NOTCH3: variants seen among roughly 807,000 people sequenced by gnomAD.
NOTCH3 encodes the protein neurogenic locus notch homolog protein 3.
NOTCH3 carries 86 observed loss-of-function variants against 213.3 expected under a neutral mutation model. That is an observed-to-expected ratio of 0.40 (90% CI 0.34 to 0.48). NOTCH3 has a LOEUF of 0.48. Among genes scored for constraint, NOTCH3 ranks in the 20% least tolerant of loss-of-function variants. The pLI, the probability that NOTCH3 is intolerant of heterozygous loss-of-function variation, is 0.57. For synonymous variants in NOTCH3, 1,354 were observed against 1,355.9 expected, an observed-to-expected ratio of 1.00 and a Z score of 0.03; for missense variants, 2,783 against 3,272.6, an observed-to-expected ratio of 0.85 and a Z score of 3.65.
At position 15,185,431 on chromosome 19, in the gene NOTCH3, C is replaced by T; in HGVS notation, c.2145-23G>A. 1 of 1,611,672 alleles carries T rather than the reference C, an allele frequency of 6.2e-7. No homozygotes were observed. ...AACCTGGCAGGGGAAGGTAGTCAGG[C>T]CAGGGAGGTGGGCCAGGGAGAGGGG... On this transcript the variant is annotated intron_variant, in intron 13 of 32. Coordinates refer to ENST00000263388, the MANE Select transcript of NOTCH3 (RefSeq NM_000435.3). The surrounding 1 kb of genome is among the most constrained non-coding windows in gnomAD (Gnocchi z 4.2).
Position 15,185,438 on chromosome 19 carries a change from G to A in NOTCH3, c.2145-30C>T, listed in dbSNP as rs777847009. The A allele has an allele frequency of 1.2e-6, 2 of 1,611,918 alleles. No homozygotes were observed. The highest frequency in any genetic ancestry group is 1.7e-6 in the Non-Finnish European group (2 of 1,178,950). ...CAGGGGAAGGTAGTCAGGCCAGGGA[G>A]GTGGGCCAGGGAGAGGGGGCAGTGT... On this transcript the variant is annotated intron_variant, in intron 13 of 32. Coordinates refer to ENST00000263388, the MANE Select transcript of NOTCH3 (RefSeq NM_000435.3). This position sits in a 1 kb window ranked among gnomAD's most constrained non-coding sequence, Gnocchi z 4.2.
At chr19:15,188,040 C>A (rs752838960) in intron 9 of NOTCH3, 46 bp from the exon 10 acceptor site, 12 of 1,386,484 alleles carry the variant, frequency 8.7e-6, no homozygotes, top group African/African-American at 1.4e-5. Context: ...AGGGTGAGAG[C>A]AGTACACCCC....
At chr19:15,182,192 A>G (rs1402823768) in intron 16 of NOTCH3, among the ~76,000 whole-genome samples, 1 of 152,138 alleles carries the variant, frequency 6.6e-6, no homozygotes. Flanking sequence ...ACTGGGTTTC[A>G]GATTTTGAAG....
rs750883781 is a variant in NOTCH3, at chr19:15,161,278, G to T, written c.6350C>A (p.Ser2117Tyr). 2 of 1,539,976 alleles carry T rather than the reference G, an allele frequency of 1.3e-6. No homozygotes were observed. The highest frequency in any genetic ancestry group is 2.3e-5 in the East Asian group (1 of 43,028). ...CCCCTCAAGGGGGAAGCCACCAGGGGAAGCAGGGGGCCCACCGAAAGGCCG... is the reference window on the plus strand; with the variant it reads ...CCCCTCAAGGGGGAAGCCACCAGGGTAAGCAGGGGGCCCACCGAAAGGCCG... ...SPRPFGGPPA[S>Y]PGGFPLEGPY... Residue 2117 changes from serine (S) to tyrosine (Y), a missense_variant, in exon 33 of 33, where the codon TCC (serine) becomes TAC (tyrosine). Physicochemically the swap from Ser to Tyr is moderately radical, Grantham distance 144. Transcript: ENST00000263388.
At chr19:15,173,969 TG>T in intron 25 of NOTCH3, 98 bp downstream of exon 25, 1 of 1,037,806 alleles carries the variant, frequency 9.6e-7, no homozygotes, top group Non-Finnish European at 1.4e-6. Context: ...TGACATCTGG[TG>T]GGTAAAGGCA....
chr19:15,188,473 A>G, intron 8 of NOTCH3, 125 bp from the exon 9 acceptor site: 1 of 713,692 alleles, frequency 1.4e-6, no homozygotes. Context: ...CCACCTCTAC[A>G]CTCCCAGCCC....
chr19:15,186,411 G>T (rs1358306787), intron 12 of NOTCH3, among the ~76,000 whole-genome samples: 1 of 112,386 alleles, frequency 8.9e-6, no homozygotes, highest in African/African-American at 3.4e-5. Flanking sequence ...GTGTGTGTGT[G>T]TGTGTGTGTT....
At chr19:15,171,628 G>A (rs554657318) in intron 25 of NOTCH3, among the ~76,000 whole-genome samples, 1 of 152,206 alleles carries the variant, frequency 6.6e-6, no homozygotes, top group South Asian at 2.1e-4. Flanking sequence ...CTCCCAATGT[G>A]CTGGGTTTAC....
chr19:15,182,855 T>C (rs2046851612), intron 16 of NOTCH3, among the ~76,000 whole-genome samples: 1 of 152,134 alleles, frequency 6.6e-6, no homozygotes, highest in Non-Finnish European at 1.5e-5. Context: ...TTGGTCAGGC[T>C]GGTCTCAAAC....
At position 15,181,618 on chromosome 19, in the gene NOTCH3, C is replaced by T; in HGVS notation, c.2750G>A (p.Gly917Glu). 1 of 1,550,890 alleles carries T rather than the reference C, an allele frequency of 6.4e-7. No homozygotes were observed. Among genetic ancestry groups the T allele is most frequent in the Non-Finnish European group, 8.7e-7 (1 of 1,146,914 alleles). The change falls in exon 17 of 33, where the codon GGA becomes GAA. Residue 917 changes from glycine (G) to glutamate (E), a missense_variant. This residue lies in a region of NOTCH3 where 861 missense variants were observed against 909.1 expected (regional missense o/e 0.95). Transcript: ENST00000263388. ...CAGGTCCTGTTCGCAGTGGAAGCCT[C>T]CGTAGCCTGGCGGGCAGGTGCAGGT... is the stretch of plus-strand genomic sequence containing the variant. ...SFTCTCPPGY[G>E]GFHCEQDLPD...
rs1196781524 is a variant in NOTCH3 at position 15,161,708 on chromosome 19, T to G, written c.5920A>C (p.Thr1974Pro). ...TCGCGGGCGGCCAGGAATAGGGGGGTCTCCTCCTGGGGGGCCAGAACCCAC... is the reference window on the plus strand; with the variant it reads ...TCGCGGGCGGCCAGGAATAGGGGGGGCTCCTCCTGGGGGGCCAGAACCCAC... ...NKDMQDSKEE[T>P]PLFLAAREGS... is the part of the protein sequence containing the mutation. Residue 1974 changes from threonine to proline, a missense_variant, in exon 33 of 33, where the codon ACC becomes CCC. Thr to Pro is a conservative substitution (Grantham distance 38, BLOSUM62 -1). Coordinates refer to ENST00000263388, the MANE Select transcript of NOTCH3 (RefSeq NM_000435.3). 6.2e-7 allele frequency: 1 copy of G among 1,612,374 alleles called. No individual in the cohort carries two copies. The highest frequency in any genetic ancestry group is 1.7e-5 in the Admixed American group (1 of 59,896).
rs2046654681 is a variant in NOTCH3 at position 15,162,674 on chromosome 19, C to T, written c.5816-112G>A. Reference sequence around the variant, plus strand: ...CCTAGGGGTAGAGGAGGCAGGCCTGCCGTGAATATCCAAGTACTTGTGTCT... The same window carrying T: ...CCTAGGGGTAGAGGAGGCAGGCCTGTCGTGAATATCCAAGTACTTGTGTCT... On this transcript the variant is annotated intron_variant, in intron 31 of 32. Transcript: ENST00000263388. The T allele has an allele frequency of 2.5e-5, 19 of 759,958 alleles. No homozygotes were observed. The South Asian group carries it at 2.8e-4, about 11-fold the overall frequency. The allele number at this position is 759,958 out of a possible 1,614,324, so 47.1% of individuals were successfully genotyped here.
intron 24 of NOTCH3, among the ~76,000 whole-genome samples, chr19:15,177,241 T>TC (rs962170215): frequency 2.1e-5 from 3 of 142,708 alleles, no homozygotes; most frequent in Non-Finnish European, 4.5e-5. Flanking sequence ...AGAGCAAGAC[T>TC]CCATCTCGGG....
chr19:15,179,684 C>T, intron 20 of NOTCH3, 188 bp from the exon 21 acceptor site: 2 of 645,938 alleles, frequency 3.1e-6, no homozygotes, highest in Non-Finnish European at 5.5e-6. Flanking sequence ...GAGTTCGAGA[C>T]CAGCCTGGCC....
rs141230950 is a variant in NOTCH3 at position 15,186,601 on chromosome 19, C to T, written c.1951+277G>A. ...TGTATTTTTAGTAGAGATGGGGCTT[C>T]GCAACGTTGGCCACGCTGGTCTCGA... On this transcript the variant is annotated intron_variant, in intron 12 of 32. Coordinates refer to ENST00000263388, the MANE Select transcript of NOTCH3 (RefSeq NM_000435.3). 8.2e-3 allele frequency among the ~76,000 whole-genome samples: 1,241 copies of T among 152,254 alleles called. 6 individuals are homozygous for T. The highest frequency in any genetic ancestry group is 0.02 in the Middle Eastern group (6 of 294).
At position 15,159,491 on chromosome 19, in the gene NOTCH3, T is replaced by A. The variant is rs11670045; in HGVS notation, c.*1171A>T. On this transcript the variant is annotated 3_prime_UTR_variant, in exon 33 of 33. Transcript: ENST00000263388. ...CAACCACTAATCCAATCGGTAGTCA[T>A]CTGCCAAAAGAGGAAGCATAAGTAG... The A allele has an allele frequency of 4.1e-5, 8 of 194,912 alleles. No individual in the cohort carries two copies. Among genetic ancestry groups the A allele is most frequent in the Non-Finnish European group, 7.5e-5 (7 of 93,762 alleles). 12.1% of individuals were successfully genotyped at this position (194,912 alleles called of 1,614,324 possible). A position where few individuals can be genotyped will look rare whatever the true frequency, so the allele number is the denominator to read the frequency against.
chr19:15,180,894 G>A (rs978509843), intron 18 of NOTCH3, 66 bp from the exon 19 acceptor site: 65 of 1,595,894 alleles, frequency 4.1e-5, no homozygotes, highest in African/African-American at 5.4e-5. Flanking sequence ...ACTGTGCCCC[G>A]ACTTGGCTTC....
At chr19:15,197,805 C>A (rs1234613372) in intron 1 of NOTCH3, among the ~76,000 whole-genome samples, 1 of 136,238 alleles carries the variant, frequency 7.3e-6, no homozygotes, top group African/African-American at 2.6e-5. Context: ...GCCCTGGGAA[C>A]CACAAAGCAG....
rs201167365 is a variant in NOTCH3 at position 15,170,769 on chromosome 19, T to C, written c.4793A>G (p.Asp1598Gly). 1 of 1,612,928 alleles carries C rather than the reference T, an allele frequency of 6.2e-7. No homozygotes were observed. Among genetic ancestry groups the C allele is most frequent in the Non-Finnish European group, 8.5e-7 (1 of 1,179,758 alleles). Residue 1598 changes from aspartate (D) to glycine (G), a missense_variant, in exon 26 of 33, where the codon GAT (aspartate) becomes GGT (glycine). Around this residue, in one of 6 missense-constraint regions of NOTCH3, gnomAD observed 636 missense variants for 801.8 expected, o/e 0.79. Coordinates refer to ENST00000263388, the MANE Select transcript of NOTCH3 (RefSeq NM_000435.3). The part of the protein sequence containing the change: ...NRLCLQSPEN[D>G]HCFPDAQSAA... ...GCTCTGGGCATCGGGGAAGCAGTGA[T>C]CATTCTCAGGCGACTGCAGGCAGAG...
Sources: gnomAD v4.1 joint callset for allele counts (sites outside exome capture counted in the v4.1 genomes callset) on GRCh38, gnomAD v4.1.1 for gene constraint, gnomAD v4.1.1 regional missense constraint, Gnocchi (gnomAD v3.1) non-coding constraint, MANE v1.5 for transcripts, NCBI Gene and HGNC (gene_info 2026-07-23, HGNC 2026-07-21) for gene names.